NOL4: variants seen among roughly 807,000 people sequenced by gnomAD.
The protein encoded by NOL4 is cancer/testis antigen 125.
NOL4 carries 17 observed loss-of-function variants against 75.9 expected under a neutral mutation model. The observed-to-expected ratio is 0.22, with a 90% confidence interval of 0.15 to 0.34. The LOEUF is 0.34. Among genes scored for constraint, NOL4 ranks in the 10% least tolerant of loss-of-function variants. NOL4 has a pLI of 1.00. For synonymous variants in NOL4, 292 were observed against 289.9 expected (o/e 1.01, Z -0.07); for missense variants, 614 against 793.5 (o/e 0.77, Z 2.72).
intron 8 of NOL4, among the ~76,000 whole-genome samples, chr18:33,953,784 T>C (rs971980605): frequency 6.6e-6 from 1 of 152,142 alleles, no homozygotes; most frequent in Non-Finnish European, 1.5e-5. Context: ...AAGATTTGTA[T>C]ATTTTTGGTA....
intron 6 of NOL4, among the ~76,000 whole-genome samples, chr18:34,016,578 C>G (rs2074708125): frequency 6.6e-6 from 1 of 152,070 alleles, no homozygotes; most frequent in Admixed American, 6.6e-5. Context: ...TGCCTTAAAA[C>G]ATGCTTACCC....
intron 9 of NOL4, among the ~76,000 whole-genome samples, chr18:33,905,730 C>A (rs2065996870): frequency 6.6e-6 from 1 of 152,102 alleles, no homozygotes; most frequent in African/African-American, 2.4e-5. Flanking sequence ...GAAGCATGCA[C>A]CCAGAAGTTC....
intron 1 of NOL4, among the ~76,000 whole-genome samples, chr18:34,163,920 C>A (rs1430394577): frequency 6.6e-6 from 1 of 152,026 alleles, no homozygotes; most frequent in Admixed American, 6.5e-5. Context: ...GGAACAGAGC[C>A]CTCAGAAATA....
At chr18:33,875,147 A>T (rs1053814843) in intron 10 of NOL4, among the ~76,000 whole-genome samples, 3 of 152,064 alleles carry the variant, frequency 2.0e-5, no homozygotes, top group Non-Finnish European at 4.4e-5. Context: ...CATTATGCAT[A>T]TAATTTAGAC....
chr18:33,902,156 T>C, intron 9 of NOL4, among the ~76,000 whole-genome samples: 1 of 149,222 alleles, frequency 6.7e-6, no homozygotes, highest in Non-Finnish European at 1.5e-5. Flanking sequence ...ATTCAGTTAG[T>C]TTTTTTTTTA....
chr18:33,942,039 G>A (rs145615469), intron 9 of NOL4, among the ~76,000 whole-genome samples: 232 of 151,934 alleles, frequency 1.5e-3, no homozygotes, highest in Non-Finnish European at 2.9e-3. Flanking sequence ...AGAATTATTA[G>A]CACATGACAT....
intron 1 of NOL4, among the ~76,000 whole-genome samples, chr18:34,168,587 A>G (rs2146245057): frequency 6.6e-6 from 1 of 151,354 alleles, no homozygotes; most frequent in African/African-American, 2.4e-5. Flanking sequence ...GTTATTTATA[A>G]TATATATTTT....
At chr18:34,165,105 G>C (rs868619470) in intron 1 of NOL4, among the ~76,000 whole-genome samples, 14 of 130,660 alleles carry the variant, frequency 1.1e-4, no homozygotes, top group Non-Finnish European at 1.8e-4. Flanking sequence ...GTGGGGGAAG[G>C]GGGGAGGGAT....
At chr18:34,140,818 T>C (rs946416938) in intron 1 of NOL4, among the ~76,000 whole-genome samples, 8 of 152,106 alleles carry the variant, frequency 5.3e-5, no homozygotes, top group Non-Finnish European at 5.9e-5. Context: ...TGGCTGATAC[T>C]GGTTGTTCCT....
At chr18:34,173,876 T>C (rs1407286049) in intron 1 of NOL4, among the ~76,000 whole-genome samples, 1 of 152,218 alleles carries the variant, frequency 6.6e-6, no homozygotes, top group Non-Finnish European at 1.5e-5. Context: ...ACATGAGTGA[T>C]ATGTTCACCT....
intron 10 of NOL4, among the ~76,000 whole-genome samples, chr18:33,879,567 A>C (rs1273573370): frequency 2.0e-5 from 3 of 151,970 alleles, no homozygotes; most frequent in Non-Finnish European, 4.4e-5. Flanking sequence ...TGTAGTACCA[A>C]CTACTCTGGA....
intron 9 of NOL4, among the ~76,000 whole-genome samples, chr18:33,932,352 C>T (rs758312654): frequency 2.5e-4 from 38 of 151,768 alleles, no homozygotes; most frequent in Non-Finnish European, 5.2e-4. Flanking sequence ...ACTGGCTTTG[C>T]GTCAAAGATT....
chr18:33,903,485 G>A (rs1271299404), intron 9 of NOL4, among the ~76,000 whole-genome samples: 1 of 152,012 alleles, frequency 6.6e-6, no homozygotes, highest in Admixed American at 6.6e-5. Flanking sequence ...TGACTCCTGG[G>A]TACACATATC....
intron 2 of NOL4, among the ~76,000 whole-genome samples, chr18:34,127,255 A>C (rs971503123): frequency 6.6e-6 from 1 of 151,934 alleles, no homozygotes; most frequent in South Asian, 2.1e-4. Flanking sequence ...ACATTAAAGG[A>C]CCACCATTTC....
chr18:33,874,262 T>C (rs1398396129), intron 10 of NOL4, among the ~76,000 whole-genome samples: 1 of 151,886 alleles, frequency 6.6e-6, no homozygotes, highest in African/African-American at 2.4e-5. Flanking sequence ...AAAGAAATTC[T>C]AGAAAGGCAG....
At chr18:34,099,314 G>T (rs1050489796) in intron 4 of NOL4, among the ~76,000 whole-genome samples, 2 of 135,972 alleles carry the variant, frequency 1.5e-5, no homozygotes, top group Admixed American at 8.4e-5. Context: ...AGTGAGCCGA[G>T]ATCGCGCCAC....
At chr18:34,161,506 T>C (rs1380642257) in intron 1 of NOL4, among the ~76,000 whole-genome samples, 2 of 152,152 alleles carry the variant, frequency 1.3e-5, no homozygotes, top group African/African-American at 2.4e-5. Context: ...CTCTCCAGCA[T>C]TTCTTGTTGT....
At position 34,082,162 on chromosome 18, in the gene NOL4, A is replaced by T. The variant is rs1307490378; in HGVS notation, c.772+11303T>A. On this transcript the variant is annotated intron_variant, in intron 5 of 10. Transcript: ENST00000261592. Reference sequence around the variant, plus strand: ...GAATGGTTGAGCCTGCAAAGCATAAAACAATAGGTGTGAGCAAGCATAAAC... The same window carrying T: ...GAATGGTTGAGCCTGCAAAGCATAATACAATAGGTGTGAGCAAGCATAAAC... 2.0e-5 allele frequency among the ~76,000 whole-genome samples: 3 copies of T among 152,268 alleles called. No individual in the cohort carries two copies. In the East Asian group the frequency reaches 5.8e-4, roughly 29 times the overall value.
At chr18:34,172,285 T>C (rs957581189) in intron 1 of NOL4, among the ~76,000 whole-genome samples, 2 of 152,106 alleles carry the variant, frequency 1.3e-5, no homozygotes, top group South Asian at 4.1e-4. Flanking sequence ...CTAATATAAC[T>C]GAATCACCCA....
Sources: gnomAD v4.1 joint callset for allele counts (sites outside exome capture counted in the v4.1 genomes callset) on GRCh38, gnomAD v4.1.1 for gene constraint, MANE v1.5 for transcripts, NCBI Gene and HGNC (gene_info 2026-07-23, HGNC 2026-07-21) for gene names.